Variants in SYT16 observed in about 807,000 individuals in gnomAD.
The protein encoded by SYT16 is synaptotagmin 16, also known as synaptotagmin-16.
In SYT16, 42 loss-of-function variants were observed where a neutral mutation model predicts 61.4. That is an observed-to-expected ratio of 0.68 (90% CI 0.53 to 0.89). The LOEUF (loss-of-function observed/expected upper bound fraction) is 0.89. Among genes scored for constraint, SYT16 ranks in the 40% least tolerant of loss-of-function variants. The probability of loss-of-function intolerance (pLI) is 0.00; values close to 1 mark genes in which losing one functional copy is unlikely to be tolerated. For synonymous variants in SYT16, 314 were observed against 302.3 expected, an observed-to-expected ratio of 1.04 and a Z score of -0.40; for missense variants, 804 against 807.3, an observed-to-expected ratio of 1.00 and a Z score of 0.05.
chr14:62,083,992 A>G (rs1249465740), intron 6 of SYT16, among the ~76,000 whole-genome samples: 1 of 152,160 alleles, frequency 6.6e-6, no homozygotes, highest in African/African-American at 2.4e-5. Context: ...AGCTCTTGAA[A>G]CAAATATGTC....
chr14:62,042,739 A>ACTGTTT (rs2054786496), intron 3 of SYT16, among the ~76,000 whole-genome samples: 1 of 152,110 alleles, frequency 6.6e-6, no homozygotes, highest in Non-Finnish European at 1.5e-5. Flanking sequence ...CCTCTTTAAT[A>ACTGTTT]CTGTTTCTGT....
chr14:61,877,565 A>G (rs2047543933), intron 1 of SYT16, among the ~76,000 whole-genome samples: 1 of 152,200 alleles, frequency 6.6e-6, no homozygotes. Context: ...ATTAGAACTT[A>G]AAAGTCAGTC....
At chr14:61,832,316 CA>C in intron 1 of SYT16, 1 of 588,688 alleles carries the variant, frequency 1.7e-6, no homozygotes, top group Middle Eastern at 2.9e-4. Flanking sequence ...GTACAGACAC[CA>C]AGGTGGAAAT....
chr14:61,988,664 A>C (rs2052421303), intron 2 of SYT16, among the ~76,000 whole-genome samples: 1 of 152,132 alleles, frequency 6.6e-6, no homozygotes, highest in South Asian at 2.1e-4. Context: ...GAAGTTTATA[A>C]TTTTTTTAAA....
intron 3 of SYT16, among the ~76,000 whole-genome samples, chr14:62,047,460 C>T (rs527976944): frequency 2.6e-5 from 4 of 152,238 alleles, no homozygotes; most frequent in Admixed American, 6.5e-5. Context: ...ATTGAATGCC[C>T]GTTATTTCCT....
chr14:61,821,085 C>T (rs2045605377), intron 1 of SYT16, among the ~76,000 whole-genome samples: 1 of 152,074 alleles, frequency 6.6e-6, no homozygotes, highest in Non-Finnish European at 1.5e-5. Context: ...TTGGCTGAGA[C>T]ACACCAGCTC....
chr14:61,816,590 G>A (rs960717625), intron 1 of SYT16, among the ~76,000 whole-genome samples: 13 of 152,186 alleles, frequency 8.5e-5, no homozygotes, highest in Admixed American at 8.5e-4. Context: ...ATCCATGGAT[G>A]CTGAACTGTT....
At chr14:61,980,044 A>G (rs918134833) in intron 2 of SYT16, among the ~76,000 whole-genome samples, 1 of 152,152 alleles carries the variant, frequency 6.6e-6, no homozygotes, top group African/African-American at 2.4e-5. Flanking sequence ...CCACTTTTAT[A>G]GTTTTTTGTC....
rs548158083 is a variant in SYT16 at position 61,955,274 on chromosome 14, C to G, written c.-324-14858C>G. ...AAAAGTTTCATACTGTCCCTCCCCACTATTTTGGGGGTGAAGTCAAGAGTA... is the reference window on the plus strand; with the variant it reads ...AAAAGTTTCATACTGTCCCTCCCCAGTATTTTGGGGGTGAAGTCAAGAGTA... On this transcript the variant is annotated intron_variant, in intron 1 of 7. Coordinates refer to ENST00000683842, the MANE Select transcript of SYT16 (RefSeq NM_001367656.1). Among the ~76,000 whole-genome samples the G allele has an allele frequency of 8.5e-5, 13 of 152,202 alleles. No individual in the cohort carries two copies. The South Asian group carries it at 2.7e-3, about 32-fold the overall frequency.
At chr14:61,947,893 A>T (rs779123908) in intron 1 of SYT16, among the ~76,000 whole-genome samples, 2 of 152,198 alleles carry the variant, frequency 1.3e-5, no homozygotes, top group Non-Finnish European at 2.9e-5. Flanking sequence ...TAACAACATG[A>T]GTAGGACTTT....
At position 62,109,832 on chromosome 14, in the gene SYT16, G is replaced by C. The variant is rs1355583948; in HGVS notation, c.*9125G>C. 1 of 152,056 alleles carries C rather than the reference G, an allele frequency of 6.6e-6. No homozygotes were observed. The highest frequency in any genetic ancestry group is 2.4e-5 in the African/African-American group (1 of 41,410). The allele number at this position is 152,056 out of a possible 1,614,324, so 9.4% of individuals were successfully genotyped here. ...ATATGACTTTACATTTACCACTCCT[G>C]CCAAGAGAAAGGAAGCTTTGTGATT... is the stretch of plus-strand genomic sequence containing the variant. On this transcript the variant is annotated 3_prime_UTR_variant, in exon 8 of 8. Coordinates refer to ENST00000683842, the MANE Select transcript of SYT16 (RefSeq NM_001367656.1).
chr14:61,899,123 T>C (rs1172452700), intron 1 of SYT16, among the ~76,000 whole-genome samples: 1 of 152,056 alleles, frequency 6.6e-6, no homozygotes, highest in East Asian at 1.9e-4. Context: ...TTTAATTCTT[T>C]TAATAACTTT....
At chr14:61,826,223 A>C (rs1315908481) in intron 1 of SYT16, among the ~76,000 whole-genome samples, 2 of 151,858 alleles carry the variant, frequency 1.3e-5, no homozygotes, top group African/African-American at 4.9e-5. Flanking sequence ...AGCCACACTC[A>C]CTCACGCTGG....
intron 5 of SYT16, among the ~76,000 whole-genome samples, chr14:62,078,306 C>T (rs779325045): frequency 6.6e-6 from 1 of 152,022 alleles, no homozygotes; most frequent in Non-Finnish European, 1.5e-5. Context: ...CGAGTTAAGG[C>T]AGGCCTGGGA....
intron 3 of SYT16, among the ~76,000 whole-genome samples, chr14:62,054,596 A>G (rs973933685): frequency 6.6e-6 from 1 of 151,200 alleles, no homozygotes; most frequent in Non-Finnish European, 1.5e-5. Context: ...TCCTGGACTC[A>G]GGTGATGTGC....
chr14:62,001,153 A>G (rs1566753095), intron 3 of SYT16, among the ~76,000 whole-genome samples: 1 of 152,130 alleles, frequency 6.6e-6, no homozygotes, highest in Non-Finnish European at 1.5e-5. Context: ...ATGAACATAT[A>G]CCACTTATGA....
chr14:62,063,820 G>A (rs902201637), intron 3 of SYT16, among the ~76,000 whole-genome samples: 5 of 152,166 alleles, frequency 3.3e-5, no homozygotes, highest in Admixed American at 6.5e-5. Flanking sequence ...TTAACTGCCT[G>A]CCAGTGCAAG....
intron 2 of SYT16, among the ~76,000 whole-genome samples, chr14:61,992,562 TAA>T (rs1440239756): frequency 1.3e-5 from 2 of 152,130 alleles, no homozygotes; most frequent in African/African-American, 4.8e-5. Flanking sequence ...ATACAGCAAT[TAA>T]AGTGTTTACA....
At chr14:62,054,671 A>C (rs1595288698) in intron 3 of SYT16, among the ~76,000 whole-genome samples, 1 of 152,078 alleles carries the variant, frequency 6.6e-6, no homozygotes, top group Non-Finnish European at 1.5e-5. Context: ...TAGTGAGTCT[A>C]TTCTTAATAT....
Sources: allele counts gnomAD v4.1 joint callset (sites outside exome capture counted in the v4.1 genomes callset), GRCh38; gene constraint gnomAD v4.1.1; transcripts MANE v1.5; gene names NCBI Gene and HGNC (gene_info 2026-07-23, HGNC 2026-07-21).